Variants in PARD3 observed in about 807,000 individuals in gnomAD.
PARD3 encodes the protein par-3 family cell polarity regulator.
A neutral mutation model predicts 155.4 loss-of-function variants in PARD3; 75 were observed. The observed-to-expected ratio is 0.48, with a 90% CI of 0.40 to 0.58. The LOEUF (loss-of-function observed/expected upper bound fraction) is 0.58, where lower values mean the gene tolerates loss of function less well. PARD3 is among the 20% of genes least tolerant of loss of function. The pLI is 0.00. For missense variants in PARD3, 1,642 were observed against 1,721.7 expected, an observed-to-expected ratio of 0.95 and a Z score of 0.82; for synonymous variants, 576 against 610.5, an observed-to-expected ratio of 0.94 and a Z score of 0.83.
At chr10:34,736,485 C>T (rs1048732443) in intron 1 of PARD3, among the ~76,000 whole-genome samples, 5 of 151,848 alleles carry the variant, frequency 3.3e-5, no homozygotes, top group African/African-American at 4.8e-5. Flanking sequence ...CATGCCACCA[C>T]ACCTAGCTAA....
At position 34,727,814 on chromosome 10, in the gene PARD3, C is replaced by CA. The variant is rs1564552664; in HGVS notation, c.121-31396_121-31395insT. Among the ~76,000 whole-genome samples, 1,370 of 142,674 alleles carry CA rather than the reference C, an allele frequency of 9.6e-3. 24 individuals are homozygous for CA. The highest frequency in any genetic ancestry group is 0.034 in the African/African-American group (1,296 of 38,444). 93.6% of individuals were successfully genotyped at this position (142,674 alleles called of 152,430 possible). The stretch of plus-strand genomic sequence containing the variant: ...ACAAGTATGCAACCCCCTCCCTCCA[C>CA]CACACACACACACACACACGCACGC... On this transcript the variant is annotated intron_variant, in intron 1 of 24. Transcript: ENST00000374788.
chr10:34,437,246 C>T (rs2076236536), intron 5 of PARD3, among the ~76,000 whole-genome samples: 1 of 152,014 alleles, frequency 6.6e-6, no homozygotes, highest in Non-Finnish European at 1.5e-5. Context: ...AACAAAAAAT[C>T]CTCTATAGCC....
At chr10:34,771,724 C>T (rs550870743) in intron 1 of PARD3, among the ~76,000 whole-genome samples, 8 of 152,284 alleles carry the variant, frequency 5.3e-5, no homozygotes, top group African/African-American at 1.9e-4. Context: ...CAAAGACACA[C>T]ACATGTTCAG....
chr10:34,331,903 T>C (rs1236784628), intron 18 of PARD3, among the ~76,000 whole-genome samples: 1 of 152,152 alleles, frequency 6.6e-6, no homozygotes, highest in African/African-American at 2.4e-5. Flanking sequence ...CCAAAACAGT[T>C]AGGGCAACCT....
At chr10:34,234,301 C>T (rs1953099051) in intron 22 of PARD3, among the ~76,000 whole-genome samples, 2 of 151,390 alleles carry the variant, frequency 1.3e-5, no homozygotes, top group South Asian at 4.1e-4. Flanking sequence ...TGGGATGTTT[C>T]AAAATTATGA....
At chr10:34,211,172 C>G (rs1354988014) in intron 22 of PARD3, among the ~76,000 whole-genome samples, 1 of 152,168 alleles carries the variant, frequency 6.6e-6, no homozygotes, top group African/African-American at 2.4e-5. Context: ...TTCATTCTTG[C>G]ATTTCTGTGA....
intron 22 of PARD3, among the ~76,000 whole-genome samples, chr10:34,190,586 G>C (rs963458545): frequency 6.6e-6 from 1 of 152,158 alleles, no homozygotes; most frequent in Non-Finnish European, 1.5e-5. Context: ...CAAAGTTTGA[G>C]AAACACTGCC....
chr10:34,315,630 T>C (rs1957960893), intron 20 of PARD3, among the ~76,000 whole-genome samples: 1 of 152,160 alleles, frequency 6.6e-6, no homozygotes, highest in African/African-American at 2.4e-5. Context: ...CTGTGCACTG[T>C]GGAGGTGCCA....
At chr10:34,698,802 T>C (rs1227844587) in intron 1 of PARD3, among the ~76,000 whole-genome samples, 2 of 152,232 alleles carry the variant, frequency 1.3e-5, no homozygotes, top group African/African-American at 4.8e-5. Context: ...TATTTTTACA[T>C]ATGCAGCACA....
chr10:34,588,225 C>A (rs2088289461), intron 2 of PARD3, among the ~76,000 whole-genome samples: 1 of 152,152 alleles, frequency 6.6e-6, no homozygotes, highest in South Asian at 2.1e-4. Context: ...TGTAAGATAA[C>A]ATCTTAGCAT....
intron 2 of PARD3, among the ~76,000 whole-genome samples, chr10:34,542,039 C>T (rs549630727): frequency 8.5e-5 from 13 of 152,118 alleles, no homozygotes; most frequent in Non-Finnish European, 1.8e-4. Context: ...CCGCCCCTGG[C>T]CTATGCACAT....
At chr10:34,270,412 G>A (rs1043521455) in intron 21 of PARD3, among the ~76,000 whole-genome samples, 1 of 152,044 alleles carries the variant, frequency 6.6e-6, no homozygotes, top group African/African-American at 2.4e-5. Context: ...CAAAGTGCTG[G>A]GATTACAAGT....
intron 1 of PARD3, among the ~76,000 whole-genome samples, chr10:34,780,361 T>C (rs927576241): frequency 6.6e-6 from 1 of 152,226 alleles, no homozygotes; most frequent in African/African-American, 2.4e-5. Context: ...CAAAACACGT[T>C]TGTAATGATG....
At chr10:34,668,815 A>T (rs78284966) in intron 2 of PARD3, among the ~76,000 whole-genome samples, 3,110 of 152,134 alleles carry the variant, frequency 0.02, 104 homozygotes, top group African/African-American at 0.071. Flanking sequence ...TCTACTAAAA[A>T]TTTTTAAAAG....
At chr10:34,808,135 G>C (rs1258796051) in intron 1 of PARD3, among the ~76,000 whole-genome samples, 2 of 152,008 alleles carry the variant, frequency 1.3e-5, no homozygotes. Flanking sequence ...CCAACATGGC[G>C]AGATGCCGTC....
chr10:34,597,834 G>A (rs1212193728), intron 2 of PARD3, among the ~76,000 whole-genome samples: 2 of 152,106 alleles, frequency 1.3e-5, no homozygotes, highest in African/African-American at 4.8e-5. Flanking sequence ...CCAGAAGCAG[G>A]AGGGCGAACT....
intron 1 of PARD3, among the ~76,000 whole-genome samples, chr10:34,789,696 C>G (rs1841412107): frequency 1.3e-5 from 2 of 151,978 alleles, no homozygotes; most frequent in South Asian, 4.2e-4. Context: ...AGAGCAAGAT[C>G]CTGTTACCAC....
intron 2 of PARD3, among the ~76,000 whole-genome samples, chr10:34,603,478 GACAA>G (rs1181016405): frequency 6.6e-6 from 1 of 152,190 alleles, no homozygotes; most frequent in South Asian, 2.1e-4. Context: ...TGAAGAGGAA[GACAA>G]ACAGTCACGG....
At position 34,331,118 on chromosome 10, in the gene PARD3, G is replaced by A; in HGVS notation, c.2832C>T (p.Thr944=). The A allele has an allele frequency of 6.2e-7, 1 of 1,608,942 alleles. No homozygotes were observed. The highest frequency in any genetic ancestry group is 8.5e-7 in the Non-Finnish European group (1 of 1,175,420). The change falls in exon 19 of 25, where the codon ACC becomes ACT. Residue 944 remains threonine (T), a splice_region_variant and synonymous_variant. Coordinates refer to ENST00000374788, the MANE Select transcript of PARD3 (RefSeq NM_001184785.2). ...TTCTTTCAGCCATTATAAACTTACA[G>A]GTCTCCATGCCTTCATCATCATCAT... is the stretch of plus-strand genomic sequence containing the variant. The part of the protein sequence containing the change: ...AVDDDDEGME[T]LEEDTEESSR...
Sources: gnomAD v4.1 joint callset for allele counts (sites outside exome capture counted in the v4.1 genomes callset) on GRCh38, gnomAD v4.1.1 for gene constraint, MANE v1.5 for transcripts, NCBI Gene and HGNC (gene_info 2026-07-23, HGNC 2026-07-21) for gene names.